PFN1: variants seen among roughly 807,000 people sequenced by gnomAD.
The protein encoded by PFN1 is profilin 1, also known as profilin-1.
In PFN1, 2 loss-of-function variants were observed where a neutral mutation model predicts 11.7. That is an observed-to-expected ratio of 0.17 (90% confidence interval 0.07 to 0.54). The LOEUF (loss-of-function observed/expected upper bound fraction) is 0.54. Ranked by LOEUF, PFN1 falls within the 20% of genes least tolerant of loss-of-function variation. The pLI is 0.94. For missense variants in PFN1, 97 were observed against 188.4 expected, an observed-to-expected ratio of 0.51 and a Z score of 2.84; for synonymous variants, 78 against 76.2, an observed-to-expected ratio of 1.02 and a Z score of -0.12.
In PFN1 at chr17:4,946,656, G is replaced by A. The variant is rs1258075470; in HGVS notation, c.297C>T (p.Phe99=). 1 of 1,613,142 alleles carries A rather than the reference G, an allele frequency of 6.2e-7. No homozygotes were observed. The highest frequency in any genetic ancestry group is 8.5e-7 in the Non-Finnish European group (1 of 1,179,502). ...TGTCAGTCTTGGTGACAGTGACATT[G>A]AAGGTGGGGGCCCCACCGGTGCTCT... The part of the protein sequence containing the change: ...RTKSTGGAPT[F]NVTVTKTDKT... Residue 99 remains phenylalanine, a synonymous_variant, in exon 2 of 3, where the codon TTC becomes TTT. Coordinates refer to ENST00000225655, the MANE Select transcript of PFN1 (RefSeq NM_005022.4).
In PFN1 at chr17:4,948,287, G is replaced by A. The variant is rs1971451322; in HGVS notation, c.108C>T (p.Pro36=). Reference sequence around the variant, plus strand: ...CCGTGATGTTGACGAACGTTTTCCCGGGGACGGCGGCCCAGACGGAGGGCG... The same window carrying A: ...CCGTGATGTTGACGAACGTTTTCCCAGGGACGGCGGCCCAGACGGAGGGCG... ...KDSPSVWAAV[P]GKTFVNITPA... Residue 36 remains proline (P), a synonymous_variant, in exon 1 of 3, where the codon CCC becomes CCT. Transcript: ENST00000225655. The A allele has an allele frequency of 6.2e-7, 1 of 1,608,616 alleles. No individual in the cohort carries two copies. The highest frequency in any genetic ancestry group is 1.7e-4 in the Middle Eastern group (1 of 6,048).
intron 1 of PFN1, among the ~76,000 whole-genome samples, chr17:4,947,731 G>T (rs995286173): frequency 2.0e-5 from 3 of 152,152 alleles, no homozygotes; most frequent in Non-Finnish European, 2.9e-5. Flanking sequence ...GAGCTGGGGG[G>T]GCGTGTGGTG....
chr17:4,948,062 T>C (rs1971445375), intron 1 of PFN1: 1 of 506,662 alleles, frequency 2.0e-6, no homozygotes, highest in Admixed American at 4.3e-5. Flanking sequence ...GCGGGCGGGA[T>C]GGGCGCCGCC....
At position 4,945,654 on chromosome 17, in the gene PFN1, G is replaced by T; in HGVS notation, c.*246C>A. On this transcript the variant is annotated 3_prime_UTR_variant, in exon 3 of 3. Coordinates refer to ENST00000225655, the MANE Select transcript of PFN1 (RefSeq NM_005022.4). Reference sequence around the variant, plus strand: ...CCAAGCTCAAATCACACAGCACCTTGTTAGTAGAATCTTTTTTATTCAGAA... The same window carrying T: ...CCAAGCTCAAATCACACAGCACCTTTTTAGTAGAATCTTTTTTATTCAGAA... 2.5e-6 allele frequency: 1 copy of T among 402,278 alleles called. No individual in the cohort carries two copies. The highest frequency in any genetic ancestry group is 4.5e-6 in the Non-Finnish European group (1 of 220,310). The allele number at this position is 402,278 out of a possible 1,614,324, so 24.9% of individuals were successfully genotyped here.
Position 4,946,709 on chromosome 17 carries a change from C to T in PFN1, c.244G>A (p.Gly82Arg). 1 of 1,614,170 alleles carries T rather than the reference C, an allele frequency of 6.2e-7. No homozygotes were observed. The highest frequency in any genetic ancestry group is 8.5e-7 in the Non-Finnish European group (1 of 1,180,008). ...GTACGAAGATCCATGCTAAATTCCC[C>T]ATCCTGCAGCAGTGAGTCCCGGATC... ...SVIRDSLLQD[G>R]EFSMDLRTKS... Residue 82 changes from glycine (G) to arginine (R), a missense_variant, in exon 2 of 3, where the codon GGG becomes AGG. Coordinates refer to ENST00000225655, the MANE Select transcript of PFN1 (RefSeq NM_005022.4).
rs1156422828 is a variant in PFN1 at position 4,946,616 on chromosome 17, T to C, written c.325+12A>G. ...CTTGGAGCTAAAGGAAGGGTAAGAC[T>C]CAGGAACTCACTCTTGTCAGTCTTG... On this transcript the variant is annotated intron_variant, in intron 2 of 2. Transcript: ENST00000225655. 6.3e-7 allele frequency: 1 copy of C among 1,598,720 alleles called. No individual in the cohort carries two copies. Among genetic ancestry groups the C allele is most frequent in the Non-Finnish European group, 8.5e-7 (1 of 1,171,154 alleles).
chr17:4,946,571 G>A, intron 2 of PFN1, 57 bp downstream of exon 2: 3 of 1,412,796 alleles, frequency 2.1e-6, no homozygotes, highest in Non-Finnish European at 2.9e-6. Context: ...AAGATTACCA[G>A]AAGGCGGTAC....
At chr17:4,947,756 A>T (rs559783649) in intron 1 of PFN1, among the ~76,000 whole-genome samples, 3 of 152,158 alleles carry the variant, frequency 2.0e-5, no homozygotes, top group Admixed American at 6.5e-5. Flanking sequence ...CGCCCTCTCT[A>T]ACGGAGTTAG....
At chr17:4,947,626 A>G (rs1027180060) in intron 1 of PFN1, among the ~76,000 whole-genome samples, 5 of 152,114 alleles carry the variant, frequency 3.3e-5, no homozygotes, top group South Asian at 2.1e-4. Context: ...AACTTCTCAC[A>G]AAGTTCCCCT....
At position 4,946,641 on chromosome 17, in the gene PFN1, G is replaced by C. The variant is rs1341361645; in HGVS notation, c.312C>G (p.Thr104=). ...TCAGGAACTCACTCTTGTCAGTCTT[G>C]GTGACAGTGACATTGAAGGTGGGGG... ...GGAPTFNVTV[T]KTDKTLVLLM... The change falls in exon 2 of 3, where the codon ACC becomes ACG. Residue 104 remains threonine, a synonymous_variant. Coordinates refer to ENST00000225655, the MANE Select transcript of PFN1 (RefSeq NM_005022.4). 6.2e-7 allele frequency: 1 copy of C among 1,612,026 alleles called. No homozygotes were observed. The highest frequency in any genetic ancestry group is 1.1e-5 in the South Asian group (1 of 90,870).
Position 4,948,302 on chromosome 17 carries a change from G to A in PFN1, c.93C>T (p.Val31=), listed in dbSNP as rs1488866398. The A allele has an allele frequency of 7.5e-6, 12 of 1,610,050 alleles. No individual in the cohort carries two copies. The highest frequency in any genetic ancestry group is 1.0e-5 in the Non-Finnish European group (12 of 1,178,796). Residue 31 remains valine (V), a synonymous_variant, in exon 1 of 3, where the codon GTC becomes GTT. Transcript: ENST00000225655. ...ACGTTTTCCCGGGGACGGCGGCCCA[G>A]ACGGAGGGCGAGTCCTTGTAGCCCA... The part of the protein sequence containing the change: ...AIVGYKDSPS[V]WAAVPGKTFV...
intron 1 of PFN1, among the ~76,000 whole-genome samples, chr17:4,947,793 G>C (rs1394135399): frequency 6.6e-6 from 1 of 152,130 alleles, no homozygotes; most frequent in East Asian, 1.9e-4. Context: ...ACAGAGGGTG[G>C]GCAAGGGACC....
Position 4,946,332 on chromosome 17 carries a change from A to T in PFN1, c.325+296T>A, listed in dbSNP as rs79843668. 0.065 allele frequency among the ~76,000 whole-genome samples: 9,897 copies of T among 152,228 alleles called. 418 individuals carry two copies. Among genetic ancestry groups the T allele is most frequent in the Middle Eastern group, 0.13 (39 of 294 alleles). On this transcript the variant is annotated intron_variant, in intron 2 of 2. Coordinates refer to ENST00000225655, the MANE Select transcript of PFN1 (RefSeq NM_005022.4). ...CAAAAGAACTCAAACGATGAACTCGATGATTCAAGACCCCAACAATCTACC... is the reference window on the plus strand; with the variant it reads ...CAAAAGAACTCAAACGATGAACTCGTTGATTCAAGACCCCAACAATCTACC...
At chr17:4,946,052 C>A in intron 2 of PFN1, 55 bp from the exon 3 acceptor site, 2 of 1,323,970 alleles carry the variant, frequency 1.5e-6, no homozygotes, top group South Asian at 1.2e-5. Context: ...CAATTCCACC[C>A]CCTGCCAGCT....
At chr17:4,947,426 A>G (rs1483431033) in intron 1 of PFN1, 1 of 150,568 alleles carries the variant, frequency 6.6e-6, no homozygotes, top group Non-Finnish European at 1.5e-5. Flanking sequence ...GGGTCTAGGT[A>G]CCCCGGGAAC....
intron 1 of PFN1, 140 bp downstream of exon 1, chr17:4,948,123 C>A (rs536627685): frequency 4.1e-6 from 4 of 981,732 alleles, no homozygotes; most frequent in Non-Finnish European, 4.3e-6. Context: ...CACGTGCAGC[C>A]GCCATTCGCG....
intron 2 of PFN1, 87 bp downstream of exon 2, chr17:4,946,541 T>C: frequency 9.6e-7 from 1 of 1,045,236 alleles, no homozygotes. Context: ...TGTTGGGGAA[T>C]CACACAAAAA....
Position 4,948,309 on chromosome 17 carries a change from G to A in PFN1, c.86C>T (p.Pro29Leu), listed in dbSNP as rs769909149. ...DAAIVGYKDS[P>L]SVWAAVPGKT... ...CCCGGGGACGGCGGCCCAGACGGAG[G>A]GCGAGTCCTTGTAGCCCACGATGGC... Residue 29 changes from proline (P) to leucine (L), a missense_variant, in exon 1 of 3, where the codon CCC becomes CTC. Physicochemically the swap from Pro to Leu is moderately conservative, Grantham distance 98. Transcript: ENST00000225655. The A allele has an allele frequency of 1.4e-5, 22 of 1,610,790 alleles. No homozygotes were observed. Among genetic ancestry groups the A allele is most frequent in the East Asian group, 2.3e-5 (1 of 44,226 alleles).
chr17:4,946,157 AAAC>A (rs1292457621), intron 2 of PFN1, among the ~76,000 whole-genome samples, 160 bp from the exon 3 acceptor site: 1 of 138,594 alleles, frequency 7.2e-6, no homozygotes, highest in Non-Finnish European at 1.5e-5. Context: ...AGTCACCCTG[AAAC>A]AATAAGGCTT....
Sources: gnomAD v4.1 joint callset for allele counts (sites outside exome capture counted in the v4.1 genomes callset) on GRCh38, gnomAD v4.1.1 for gene constraint, MANE v1.5 for transcripts, NCBI Gene and HGNC (gene_info 2026-07-23, HGNC 2026-07-21) for gene names.